The following FMNL1 variants were observed in gnomAD, a reference collection of about 807,000 sequenced individuals.
FMNL1 encodes formin-like protein 1.
In FMNL1, 43 loss-of-function variants were observed where a neutral mutation model predicts 121.3. The ratio of observed to expected loss-of-function variants is 0.35; its 90% CI spans 0.28 to 0.46. FMNL1 has a LOEUF of 0.46. Ranked by LOEUF, FMNL1 falls within the 20% of genes least tolerant of loss-of-function variation. The pLI is 1.00. For synonymous variants in FMNL1, 613 were observed against 613.5 expected (o/e 1.00, Z 0.01); for missense variants, 1,191 against 1,482.4 (o/e 0.80, Z 3.23).
chr17:45,226,059 A>G (rs1412984083), intron 1 of FMNL1, among the ~76,000 whole-genome samples: 1 of 152,130 alleles, frequency 6.6e-6, no homozygotes, highest in East Asian at 1.9e-4. Context: ...CTCCACCTCC[A>G]CTACCAAGAG....
chr17:45,237,847 C>G lies in FMNL1; in HGVS notation c.894+208C>G, dbSNP rs2043586190. 6.6e-6 allele frequency among the ~76,000 whole-genome samples: 1 copy of G among 152,162 alleles called. No individual in the cohort carries two copies. The highest frequency in any genetic ancestry group is 2.1e-4 in the South Asian group (1 of 4,836). On this transcript the variant is annotated intron_variant, in intron 9 of 26. Transcript: ENST00000331495. This position sits in a 1 kb window ranked among gnomAD's most constrained non-coding sequence, Gnocchi z 4.4. Reference sequence around the variant, plus strand: ...TGGAAGGTACAGGGTCAGGTAAGGGCACCACCTGGGTGGGGGTAGGGACAA... The same window carrying G: ...TGGAAGGTACAGGGTCAGGTAAGGGGACCACCTGGGTGGGGGTAGGGACAA...
At chr17:45,223,492 G>A (rs546742993) in intron 1 of FMNL1, among the ~76,000 whole-genome samples, 2 of 152,290 alleles carry the variant, frequency 1.3e-5, no homozygotes, top group African/African-American at 4.8e-5. Flanking sequence ...GGGTGGCGAG[G>A]GATCCATCCT....
chr17:45,230,492 T>C, intron 1 of FMNL1, 112 bp from the exon 2 acceptor site: 2 of 869,576 alleles, frequency 2.3e-6, no homozygotes, highest in Non-Finnish European at 3.8e-6. Context: ...AGAGGATTCA[T>C]GGGGGTGATG....
chr17:45,246,433 C>T lies in FMNL1; in HGVS notation c.3212-72C>T, dbSNP rs1180825066. The T allele has an allele frequency of 3.1e-6, 5 of 1,612,970 alleles. No homozygotes were observed. The East Asian group carries it at 6.7e-5, about 22-fold the overall frequency. On this transcript the variant is annotated intron_variant, in intron 25 of 26. Transcript: ENST00000331495. ...TGGGGGACTGGCTGCCACACTGCTT[C>T]TTGCTACCTTTTCTGTTTTTCTTTC...
intron 6 of FMNL1, among the ~76,000 whole-genome samples, chr17:45,235,257 G>T (rs1195864123): frequency 6.6e-6 from 1 of 152,226 alleles, no homozygotes; most frequent in African/African-American, 2.4e-5. Context: ...GGCTGTCATG[G>T]AAGTGTGCCT....
intron 6 of FMNL1, among the ~76,000 whole-genome samples, chr17:45,235,314 G>A (rs780385140): frequency 6.6e-6 from 1 of 152,214 alleles, no homozygotes. Flanking sequence ...CATCAGGAAG[G>A]CTTCCCAGAA....
At chr17:45,243,735 C>A in intron 17 of FMNL1, 56 bp from the exon 18 acceptor site, 1 of 1,528,560 alleles carries the variant, frequency 6.5e-7, no homozygotes, top group Non-Finnish European at 9.0e-7. Context: ...TAGCCCTGCT[C>A]CCAGGGACTG....
At chr17:45,239,268 T>C in intron 11 of FMNL1, 1 of 586,554 alleles carries the variant, frequency 1.7e-6, no homozygotes, top group South Asian at 2.0e-5. Context: ...TCATAGAAGA[T>C]AATCTTGACT....
rs1309766630 is a variant in FMNL1 at position 45,231,910 on chromosome 17, G to A, written c.214-457G>A. Among the ~76,000 whole-genome samples, 2 of 152,198 alleles carry A rather than the reference G, an allele frequency of 1.3e-5. No homozygotes were observed. The highest frequency in any genetic ancestry group is 2.4e-5 in the African/African-American group (1 of 41,440). ...CTTCCCACCCCAGGGCGGGGCCTAC[G>A]GCAGGACTGACCCCTGCATAGTCCA... On this transcript the variant is annotated intron_variant, in intron 2 of 26. Transcript: ENST00000331495. This position sits in a 1 kb window ranked among gnomAD's most constrained non-coding sequence, Gnocchi z 4.7.
At chr17:45,222,770 T>C (rs1307104081) in intron 1 of FMNL1, among the ~76,000 whole-genome samples, 1 of 151,994 alleles carries the variant, frequency 6.6e-6, no homozygotes, top group Non-Finnish European at 1.5e-5. Context: ...TCTGTGTTTC[T>C]ACCCCGCCAT....
At chr17:45,242,239 G>T in intron 15 of FMNL1, 93 bp downstream of exon 15, 1 of 1,571,214 alleles carries the variant, frequency 6.4e-7, no homozygotes, top group Non-Finnish European at 8.6e-7. Flanking sequence ...CTGCCTGGGG[G>T]CCTCCTGCTG....
rs765986350 is a variant in FMNL1, at chr17:45,243,794, C to T, written c.2217C>T (p.Tyr739=). 65 of 1,608,412 alleles carry T rather than the reference C, an allele frequency of 4.0e-5. No individual in the cohort carries two copies. The highest frequency in any genetic ancestry group is 5.0e-5 in the Non-Finnish European group (59 of 1,175,736). ...AERICQAIEA[Y]DLQALGLDFL... ...TCCCCTCTCCTCCCTCTCACAGGTA[C>T]GACCTGCAGGCTCTGGGCCTGGACT... Residue 739 remains tyrosine (Y), a synonymous_variant, in exon 18 of 27, where the codon TAC becomes TAT. Transcript: ENST00000331495.
Position 45,244,919 on chromosome 17 carries a change from TTGGGGACTGGGGC to T in FMNL1, c.2598+31_2599-37del, listed in dbSNP as rs1161456691. ...GATGCGGTGAGGAGGGGCCCCTGGC[TTGGGGACTGGGGC>T]TGGGGACTGGCTGGTGGCCTGTGGC... is the stretch of plus-strand genomic sequence containing the variant. On this transcript the variant is annotated intron_variant, in intron 20 of 26. Coordinates refer to ENST00000331495, the MANE Select transcript of FMNL1 (RefSeq NM_005892.4). The T allele has an allele frequency of 1.2e-6, 2 of 1,613,036 alleles. No homozygotes were observed. The highest frequency in any genetic ancestry group is 1.7e-5 in the Admixed American group (1 of 59,920).
chr17:45,234,350 G>A, intron 6 of FMNL1, 150 bp downstream of exon 6: 1 of 1,354,058 alleles, frequency 7.4e-7, no homozygotes, highest in South Asian at 1.2e-5. Flanking sequence ...CAGAGTTTGG[G>A]ACACCAGTAT....
chr17:45,242,212 G>A (rs1435995203), intron 15 of FMNL1, 66 bp downstream of exon 15: 2 of 1,547,488 alleles, frequency 1.3e-6, no homozygotes, highest in Non-Finnish European at 8.7e-7. Context: ...CTGGGCCTCA[G>A]TGTCCTCCAG....
Position 45,247,148 on chromosome 17 carries a change from C to T in FMNL1, c.*290C>T. ...GGGCAGCATCGCCCGCCCCTTCCCC[C>T]AAATGCTGCTTGCAGCACCCACCCT... On this transcript the variant is annotated 3_prime_UTR_variant, in exon 27 of 27. Coordinates refer to ENST00000331495, the MANE Select transcript of FMNL1 (RefSeq NM_005892.4). 1.7e-6 allele frequency: 1 copy of T among 585,654 alleles called. No homozygotes were observed. The highest frequency in any genetic ancestry group is 3.0e-5 in the Admixed American group (1 of 33,548). The allele number at this position is 585,654 out of a possible 1,614,324, so 36.3% of individuals were successfully genotyped here. A position where few individuals can be genotyped will look rare whatever the true frequency, so the allele number is the denominator to read the frequency against.
chr17:45,241,518 G>C lies in FMNL1; in HGVS notation c.1469G>C (p.Arg490Pro), dbSNP rs1327645798. ...VEELEEKGLI[R>P]ILRGPGDAVS... ...GAGCTGGAGGAGAAGGGGTTAATCCGTATTCTGCGGGGGCCGGGGGATGCT... is the reference window on the plus strand; with the variant it reads ...GAGCTGGAGGAGAAGGGGTTAATCCCTATTCTGCGGGGGCCGGGGGATGCT... Residue 490 changes from arginine to proline, a missense_variant, in exon 14 of 27, where the codon CGT (arginine) becomes CCT (proline). This residue lies in a region of FMNL1 where 519 missense variants were observed against 492.8 expected (regional missense o/e 1.05). Coordinates refer to ENST00000331495, the MANE Select transcript of FMNL1 (RefSeq NM_005892.4). This position sits in a 1 kb window ranked among gnomAD's most constrained non-coding sequence, Gnocchi z 7.0. 6.3e-7 allele frequency: 1 copy of C among 1,580,212 alleles called. No individual in the cohort carries two copies. Among genetic ancestry groups the C allele is most frequent in the South Asian group, 1.2e-5 (1 of 86,934 alleles).
chr17:45,247,047 C>A lies in FMNL1; in HGVS notation c.*189C>A. 2 of 638,358 alleles carry A rather than the reference C, an allele frequency of 3.1e-6. No homozygotes were observed. Among genetic ancestry groups the A allele is most frequent in the Non-Finnish European group, 2.9e-6 (1 of 346,296 alleles). The allele number at this position is 638,358 out of a possible 1,614,324, so 39.5% of individuals were successfully genotyped here. ...GAGGCTCAAGGAAGGTGGTCCTCAG[C>A]TCGGCTGGCCGGGCAGCCCCTCCTC... On this transcript the variant is annotated 3_prime_UTR_variant, in exon 27 of 27. Coordinates refer to ENST00000331495, the MANE Select transcript of FMNL1 (RefSeq NM_005892.4).
intron 1 of FMNL1, among the ~76,000 whole-genome samples, chr17:45,229,664 G>A (rs1416397045): frequency 6.6e-6 from 1 of 152,206 alleles, no homozygotes; most frequent in South Asian, 2.1e-4. Flanking sequence ...GACAAGCCAA[G>A]TCTGGGGGTC....
Sources: gnomAD v4.1 joint callset for allele counts (sites outside exome capture counted in the v4.1 genomes callset) on GRCh38, gnomAD v4.1.1 for gene constraint, gnomAD v4.1.1 regional missense constraint, Gnocchi (gnomAD v3.1) non-coding constraint, MANE v1.5 for transcripts, NCBI Gene and HGNC (gene_info 2026-07-23, HGNC 2026-07-21) for gene names.